MAGI2: variants seen among roughly 807,000 people sequenced by gnomAD.
MAGI2 encodes membrane-associated guanylate kinase, WW and PDZ domain-containing protein 2.
Under a neutral mutation model 133.3 loss-of-function variants are expected in MAGI2, and 35 were observed. The observed-to-expected ratio is 0.26, with a 90% CI of 0.20 to 0.35. The LOEUF is 0.35. Ranked by LOEUF, MAGI2 falls within the 10% of genes least tolerant of loss-of-function variation. The probability of loss-of-function intolerance (pLI) is 1.00; values close to 1 mark genes in which losing one functional copy is unlikely to be tolerated. For missense variants in MAGI2, 1,636 were observed against 1,863.4 expected, an observed-to-expected ratio of 0.88 and a Z score of 2.25; for synonymous variants, 729 against 710.6, an observed-to-expected ratio of 1.03 and a Z score of -0.41.
Position 79,203,743 on chromosome 7 carries a change from G to A in MAGI2, c.302-196537C>T, listed in dbSNP as rs568125837. Among the ~76,000 whole-genome samples the A allele has an allele frequency of 3.4e-4, 52 of 152,046 alleles. 1 individual carries two copies. The highest frequency in any genetic ancestry group is 6.3e-4 in the Non-Finnish European group (43 of 68,002). ...TAGGCATTTTAAAAATATTTAAGCC[G>A]CCACCAACGCACCAATGTAAAATTC... On this transcript the variant is annotated intron_variant, in intron 1 of 21. Coordinates refer to ENST00000354212, the MANE Select transcript of MAGI2 (RefSeq NM_012301.4).
At chr7:78,372,359 AAAC>A (rs1333787390) in intron 6 of MAGI2, among the ~76,000 whole-genome samples, 77 of 152,328 alleles carry the variant, frequency 5.1e-4, no homozygotes, top group African/African-American at 1.8e-3. Flanking sequence ...TAAAAAAACA[AAAC>A]AACTGCTGCT....
Position 78,394,465 on chromosome 7 carries a change from G to A in MAGI2, c.1046-25252C>T, listed in dbSNP as rs1324232492. 5.9e-5 allele frequency among the ~76,000 whole-genome samples: 9 copies of A among 152,160 alleles called. No individual in the cohort carries two copies. The South Asian group carries it at 1.5e-3, about 25-fold the overall frequency. On this transcript the variant is annotated intron_variant, in intron 6 of 21. Coordinates refer to ENST00000354212, the MANE Select transcript of MAGI2 (RefSeq NM_012301.4). ...CTGCCACAGAAACCTTTCGTGCTTA[G>A]GCTTGCCTTGCAACCCTTTGACTCC...
intron 16 of MAGI2, among the ~76,000 whole-genome samples, chr7:78,156,213 A>C (rs1824370708): frequency 6.6e-6 from 1 of 152,206 alleles, no homozygotes; most frequent in African/African-American, 2.4e-5. Context: ...CTTGGCCACC[A>C]GTACTCCAGT....
intron 2 of MAGI2, among the ~76,000 whole-genome samples, chr7:78,805,106 T>TA (rs1390107177): frequency 6.6e-6 from 1 of 151,776 alleles, no homozygotes; most frequent in East Asian, 1.9e-4. Context: ...AAATAACCTC[T>TA]AAAAAATTGA....
chr7:78,687,995 A>T (rs12671212), intron 2 of MAGI2, among the ~76,000 whole-genome samples: 1 of 131,650 alleles, frequency 7.6e-6, no homozygotes, highest in Non-Finnish European at 1.6e-5. Flanking sequence ...AAAAAAAAAA[A>T]AAAAAAGAAA....
intron 6 of MAGI2, among the ~76,000 whole-genome samples, chr7:78,411,170 C>T (rs1359155437): frequency 6.6e-6 from 1 of 151,950 alleles, no homozygotes; most frequent in Non-Finnish European, 1.5e-5. Flanking sequence ...CCCTATGTAG[C>T]AGCCTCATTT....
intron 2 of MAGI2, among the ~76,000 whole-genome samples, chr7:78,901,669 A>G (rs1259515150): frequency 8.1e-6 from 1 of 123,386 alleles, no homozygotes; most frequent in Non-Finnish European, 1.7e-5. Flanking sequence ...CAAATGAAAT[A>G]TACTTTTTTT....
chr7:78,528,119 T>C (rs1217015504), intron 3 of MAGI2, among the ~76,000 whole-genome samples: 1 of 152,192 alleles, frequency 6.6e-6, no homozygotes, highest in Non-Finnish European at 1.5e-5. Context: ...CCAGAGAGCT[T>C]GAGGATATGT....
intron 1 of MAGI2, among the ~76,000 whole-genome samples, chr7:79,420,417 C>T (rs544569477): frequency 2.0e-5 from 3 of 152,040 alleles, no homozygotes; most frequent in Admixed American, 6.6e-5. Context: ...TTATACAACC[C>T]CGCAGGAGTT....
At chr7:79,020,841 C>T (rs538111089) in intron 1 of MAGI2, among the ~76,000 whole-genome samples, 3 of 152,056 alleles carry the variant, frequency 2.0e-5, no homozygotes, top group African/African-American at 7.2e-5. Context: ...AAAATGTCTC[C>T]AGGGCATGTC....
chr7:79,296,090 A>G lies in MAGI2; in HGVS notation c.301+156930T>C, dbSNP rs569605157. ...GTTGTTCAAATCCATGTTTCAGTAC[A>G]ATATTGTTCTTTGTGCCACAAGAGC... On this transcript the variant is annotated intron_variant, in intron 1 of 21. Transcript: ENST00000354212. Among the ~76,000 whole-genome samples, 4 of 152,238 alleles carry G rather than the reference A, an allele frequency of 2.6e-5. No individual in the cohort carries two copies. The South Asian group carries it at 6.2e-4, about 24-fold the overall frequency.
At chr7:78,174,016 C>G (rs1826358321) in intron 14 of MAGI2, among the ~76,000 whole-genome samples, 1 of 152,160 alleles carries the variant, frequency 6.6e-6, no homozygotes, top group Admixed American at 6.6e-5. Context: ...ATAGGGCCGC[C>G]AGGACGCTAT....
At position 79,453,447 on chromosome 7, in the gene MAGI2, C is replaced by CT. The variant is rs1238165461; in HGVS notation, c.-128dup. The CT allele has an allele frequency of 6.7e-7, 1 of 1,484,408 alleles. No individual in the cohort carries two copies. The highest frequency in any genetic ancestry group is 1.4e-5 in the African/African-American group (1 of 71,174). The allele number at this position is 1,484,408 out of a possible 1,614,324, so 92.0% of individuals were successfully genotyped here. ...CAGCAGACTTTGCCTTCGCCCCCCT[C>CT]TATTCGGTGCTTTCCCTCTTCTTTG... is the stretch of plus-strand genomic sequence containing the variant. On this transcript the variant is annotated 5_prime_UTR_variant, in exon 1 of 22. Transcript: ENST00000354212.
chr7:79,165,159 G>GTT (rs144369226), intron 1 of MAGI2, among the ~76,000 whole-genome samples: 16 of 148,082 alleles, frequency 1.1e-4, no homozygotes, highest in Admixed American at 9.4e-4. Context: ...TTTCTTAAGT[G>GTT]TTTTTTTTGT....
At chr7:78,497,250 A>G (rs1378414199) in intron 5 of MAGI2, among the ~76,000 whole-genome samples, 1 of 152,232 alleles carries the variant, frequency 6.6e-6, no homozygotes, top group Non-Finnish European at 1.5e-5. Flanking sequence ...ATAAGACATT[A>G]TTACTATTTT....
chr7:79,012,628 A>G (rs1356860180), intron 1 of MAGI2, among the ~76,000 whole-genome samples: 1 of 152,180 alleles, frequency 6.6e-6, no homozygotes, highest in Non-Finnish European at 1.5e-5. Context: ...GCTGTAGTAG[A>G]AAGAACACTA....
chr7:78,891,574 A>G (rs1207867262), intron 2 of MAGI2, among the ~76,000 whole-genome samples: 1 of 152,246 alleles, frequency 6.6e-6, no homozygotes, highest in Admixed American at 6.5e-5. Context: ...CTGGTTCAAC[A>G]TACACAAATC....
At chr7:78,848,103 C>A (rs1243919843) in intron 2 of MAGI2, among the ~76,000 whole-genome samples, 2 of 151,766 alleles carry the variant, frequency 1.3e-5, no homozygotes, top group Non-Finnish European at 2.9e-5. Flanking sequence ...CTGACCTCTC[C>A]CCCTGAACTC....
chr7:78,603,586 G>C (rs1483188073), intron 3 of MAGI2, among the ~76,000 whole-genome samples: 1 of 152,118 alleles, frequency 6.6e-6, no homozygotes, highest in Non-Finnish European at 1.5e-5. Context: ...TGCACGACGC[G>C]ATGTCAGCTC....
Sources: gnomAD v4.1 joint callset for allele counts (sites outside exome capture counted in the v4.1 genomes callset) on GRCh38, gnomAD v4.1.1 for gene constraint, MANE v1.5 for transcripts, NCBI Gene and HGNC (gene_info 2026-07-23, HGNC 2026-07-21) for gene names.